Variants in MALAT1 observed in about 807,000 individuals in gnomAD.
MALAT1 encodes the protein hepcarcin.
At chr11:65,505,392 C>T (rs1453996465) in intron 3 of MALAT1, 1 of 516,426 alleles carries the variant, frequency 1.9e-6, no homozygotes, top group Non-Finnish European at 3.9e-6. Context: ...CTGGGCTTCT[C>T]TTAACATTTA....
chr11:65,498,491 G>C (rs1430882179), intron 1 of MALAT1: 1 of 517,960 alleles, frequency 1.9e-6, no homozygotes, highest in African/African-American at 1.9e-5. Flanking sequence ...CAGACAGCCC[G>C]TGCTGCTCCG....
intron 3 of MALAT1, chr11:65,505,933 T>TCAG (rs749240063): frequency 2.3e-6 from 1 of 435,220 alleles, no homozygotes; most frequent in South Asian, 1.8e-5. Context: ...GCAAAAATTC[T>TCAG]CTGCTAAGAC....
At chr11:65,500,957 T>C (rs772870585) in exon 3 of MALAT1, 2 of 512,158 alleles carry the variant, frequency 3.9e-6, no homozygotes, top group Non-Finnish European at 7.7e-6. Context: ...TCTGAAGCTT[T>C]TGAGGGCAGA....
intron 3 of MALAT1, chr11:65,505,592 C>A (rs757063375): frequency 5.8e-6 from 3 of 518,780 alleles, no homozygotes; most frequent in Admixed American, 3.9e-5. Flanking sequence ...CTAGCACAGA[C>A]CCTTCACCCC....
intron 3 of MALAT1, chr11:65,505,050 A>C (rs1565056930): frequency 1.9e-6 from 1 of 518,794 alleles, no homozygotes; most frequent in African/African-American, 1.9e-5. Flanking sequence ...TTTACATACA[A>C]AGTCAGATCA....
exon 3 of MALAT1, chr11:65,502,029 T>C (rs1854559785): frequency 1.9e-6 from 1 of 517,178 alleles, no homozygotes; most frequent in Non-Finnish European, 3.9e-6. Context: ...TGATTTAGTT[T>C]TTTTCCCCCC....
chr11:65,499,071 C>G (rs540960944), exon 3 of MALAT1: 2 of 518,054 alleles, frequency 3.9e-6, no homozygotes, highest in Non-Finnish European at 7.7e-6. Context: ...AGCGCAGGGG[C>G]TTCTGCTGAG....
intron 3 of MALAT1, chr11:65,505,667 CGAT>C (rs768400097): frequency 3.9e-6 from 2 of 518,942 alleles, no homozygotes; most frequent in Non-Finnish European, 7.7e-6. Context: ...TTCAAGGTAA[CGAT>C]GGTGTCGAGG....
At chr11:65,504,820 G>A (rs1389601370) in intron 3 of MALAT1, 1 of 518,800 alleles carries the variant, frequency 1.9e-6, no homozygotes, top group African/African-American at 1.9e-5. Context: ...TTACATGCAG[G>A]AACACTCAGC....
At chr11:65,500,649 A>G (rs750352719) in exon 3 of MALAT1, 2 of 518,990 alleles carry the variant, frequency 3.9e-6, no homozygotes, top group Non-Finnish European at 7.7e-6. Context: ...TTGGTGATGA[A>G]GGTAGCAGGC....
chr11:65,500,715 C>T (rs1412505484), exon 3 of MALAT1: 1 of 518,926 alleles, frequency 1.9e-6, no homozygotes, highest in Admixed American at 1.9e-5. Flanking sequence ...GTAGAGGATC[C>T]TAGACCAGCA....
chr11:65,501,309 A>G (rs1458109709), exon 3 of MALAT1: 2 of 518,554 alleles, frequency 3.9e-6, no homozygotes, highest in African/African-American at 3.9e-5. Context: ...CAAATGACTC[A>G]AGGTGTAACA....
At chr11:65,502,748 A>G (rs766269593) in exon 3 of MALAT1, 3 of 516,422 alleles carry the variant, frequency 5.8e-6, no homozygotes, top group South Asian at 4.2e-5. Context: ...AAAAGATTAT[A>G]TGTCATACCT....
At chr11:65,499,193 G>A (rs1404485490) in exon 3 of MALAT1, 1 of 504,742 alleles carries the variant, frequency 2.0e-6, no homozygotes, top group African/African-American at 2.0e-5. Flanking sequence ...ATATTGCTTA[G>A]CGTTAAGTTT....
At chr11:65,498,096 C>G in intron 1 of MALAT1, 1 of 518,930 alleles carries the variant, frequency 1.9e-6, no homozygotes, top group Non-Finnish European at 3.8e-6. Context: ...CCAGGCATAA[C>G]ACAGAATCTG....
At chr11:65,499,114 A>C (rs766966793) in exon 3 of MALAT1, 1 of 518,114 alleles carries the variant, frequency 1.9e-6, no homozygotes, top group Non-Finnish European at 3.9e-6. Flanking sequence ...ACCGCAGATA[A>C]GTTTTTTTCT....
exon 3 of MALAT1, chr11:65,500,720 C>A (rs772946161): frequency 3.9e-6 from 2 of 518,870 alleles, no homozygotes; most frequent in Non-Finnish European, 7.7e-6. Flanking sequence ...GGATCCTAGA[C>A]CAGCATGCCA....
chr11:65,505,632 C>G (rs748524118), intron 3 of MALAT1: 1 of 518,870 alleles, frequency 1.9e-6, no homozygotes, highest in Non-Finnish European at 3.8e-6. Flanking sequence ...AGCTTGGATC[C>G]TTGTGGGCAT....
At chr11:65,498,915 T>A (rs1355767997) in intron 2 of MALAT1, 1 of 518,724 alleles carries the variant, frequency 1.9e-6, no homozygotes, top group Admixed American at 1.9e-5. Flanking sequence ...TCTAGAAAAG[T>A]AAAACTAGAA....
Sources: allele counts gnomAD v4.1 joint callset, GRCh38; gene constraint gnomAD v4.1.1; transcripts MANE v1.5; gene names NCBI Gene and HGNC (gene_info 2026-07-23, HGNC 2026-07-21).